Variants in SPNS2 observed in about 807,000 individuals in gnomAD.
SPNS2 encodes SPNS lysolipid transporter 2, sphingosine-1-phosphate, also known as sphingosine-1-phosphate transporter SPNS2.
In SPNS2, 37 loss-of-function variants were observed where a neutral mutation model predicts 57.6. That is an observed-to-expected ratio of 0.64 (90% CI 0.49 to 0.85). The LOEUF is 0.85. Among genes scored for constraint, SPNS2 ranks in the 40% least tolerant of loss-of-function variants. SPNS2 has a pLI of 0.00. For missense variants in SPNS2, 831 were observed against 779.1 expected, an observed-to-expected ratio of 1.07 and a Z score of -0.79; for synonymous variants, 440 against 346.9, an observed-to-expected ratio of 1.27 and a Z score of -2.98.
intron 7 of SPNS2, 49 bp downstream of exon 7, chr17:4,533,178 G>A (rs1461436727): frequency 1.9e-6 from 3 of 1,582,706 alleles, no homozygotes; most frequent in Non-Finnish European, 8.6e-7. Flanking sequence ...CCTCGGACAG[G>A]AGAGCCCCTC....
At chr17:4,522,449 C>T (rs1300570801) in intron 2 of SPNS2, among the ~76,000 whole-genome samples, 1 of 152,180 alleles carries the variant, frequency 6.6e-6, no homozygotes, top group African/African-American at 2.4e-5. Flanking sequence ...GTACACCCAC[C>T]ACCCACGCGC....
In SPNS2 at chr17:4,510,500, G is replaced by A. The variant is rs1291827664; in HGVS notation, c.371-2747G>A. 3.9e-5 allele frequency among the ~76,000 whole-genome samples: 6 copies of A among 152,194 alleles called. No individual in the cohort carries two copies. The highest frequency in any genetic ancestry group is 2.1e-4 in the South Asian group (1 of 4,834). On this transcript the variant is annotated intron_variant, in intron 1 of 12. Transcript: ENST00000329078. The surrounding 1 kb of genome is among the most constrained non-coding windows in gnomAD (Gnocchi z 4.4). ...AAGTCATCGGATGGGGAAGTGTGCCGCTGGATAGCTGGATACTGCAGGGAG... is the reference window on the plus strand; with the variant it reads ...AAGTCATCGGATGGGGAAGTGTGCCACTGGATAGCTGGATACTGCAGGGAG...
At chr17:4,513,108 A>G in intron 1 of SPNS2, 139 bp from the exon 2 acceptor site, 2 of 860,894 alleles carry the variant, frequency 2.3e-6, no homozygotes, top group East Asian at 2.6e-5. Flanking sequence ...AAACCTGGGC[A>G]GGGTAGAGGT....
intron 11 of SPNS2, 60 bp downstream of exon 11, chr17:4,536,486 A>C: frequency 1.3e-6 from 2 of 1,540,402 alleles, no homozygotes; most frequent in Admixed American, 1.7e-5. Flanking sequence ...CGTGATAGCC[A>C]CCGTGAGCCC....
In SPNS2 at chr17:4,536,145, G is replaced by C. The variant is rs1567597634; in HGVS notation, c.1414G>C (p.Asp472His). Residue 472 changes from aspartate to histidine, a missense_variant, in exon 10 of 13, where the codon GAC becomes CAC. Asp to His is a moderately conservative substitution (Grantham distance 81). Transcript: ENST00000329078. ...LQSFTSHLLG[D>H]AGSPYLIGFI... is the part of the protein sequence containing the mutation. ...GAGCTTCACCTCCCACCTGCTGGGG[G>C]ACGCCGGGAGCCCCTACCTCATTGG... is the stretch of plus-strand genomic sequence containing the variant. The C allele has an allele frequency of 6.2e-7, 1 of 1,612,530 alleles. No individual in the cohort carries two copies. Among genetic ancestry groups the C allele is most frequent in the Non-Finnish European group, 8.5e-7 (1 of 1,179,876 alleles).
At chr17:4,518,080 G>A (rs561098850) in intron 2 of SPNS2, among the ~76,000 whole-genome samples, 1 of 152,362 alleles carries the variant, frequency 6.6e-6, no homozygotes, top group East Asian at 1.9e-4. Flanking sequence ...TTGGCCATGG[G>A]TTGGCGTATG....
intron 12 of SPNS2, 137 bp downstream of exon 12, chr17:4,537,083 G>A: frequency 2.1e-6 from 2 of 959,832 alleles, no homozygotes; most frequent in East Asian, 2.5e-5. Context: ...TGTCTCTGAA[G>A]ATGTTGCCAG....
At position 4,510,113 on chromosome 17, in the gene SPNS2, C is replaced by T. The variant is rs1342504050; in HGVS notation, c.371-3134C>T. ...TTCCCGTGCCAGCGGCCAGCGGGAT[C>T]TCACCCTCCTGTGGCTGTGGCCGCC... On this transcript the variant is annotated intron_variant, in intron 1 of 12. Transcript: ENST00000329078. This position sits in a 1 kb window ranked among gnomAD's most constrained non-coding sequence, Gnocchi z 4.4. Among the ~76,000 whole-genome samples, 1 of 152,252 alleles carries T rather than the reference C, an allele frequency of 6.6e-6. No homozygotes were observed. The highest frequency in any genetic ancestry group is 1.5e-5 in the Non-Finnish European group (1 of 68,040).
At position 4,537,760 on chromosome 17, in the gene SPNS2, C is replaced by G. The variant is rs1264969882; in HGVS notation, c.*312C>G. 1 of 456,422 alleles carries G rather than the reference C, an allele frequency of 2.2e-6. No individual in the cohort carries two copies. Among genetic ancestry groups the G allele is most frequent in the African/African-American group, 2.0e-5 (1 of 50,216 alleles). The allele number at this position is 456,422 out of a possible 1,614,324, so 28.3% of individuals were successfully genotyped here. On this transcript the variant is annotated 3_prime_UTR_variant, in exon 13 of 13. Transcript: ENST00000329078. Reference sequence around the variant, plus strand: ...GGGTGTCCGGGGAGAGCCTGGCCTGCCACCAGCTTATGTGATCTTGGGCAA... The same window carrying G: ...GGGTGTCCGGGGAGAGCCTGGCCTGGCACCAGCTTATGTGATCTTGGGCAA...
chr17:4,531,489 C>G (rs1326206325), intron 5 of SPNS2, among the ~76,000 whole-genome samples: 2 of 152,172 alleles, frequency 1.3e-5, no homozygotes, highest in Non-Finnish European at 2.9e-5. Flanking sequence ...AAGGCTGGGA[C>G]AAGACCTCTG....
rs1263235697 is a variant in SPNS2 at position 4,499,088 on chromosome 17, C to CGGAGGA, written c.50_55dup (p.Glu17_Glu18dup). The CGGAGGA allele has an allele frequency of 9.5e-6, 10 of 1,051,968 alleles. No homozygotes were observed. In the East Asian group the frequency reaches 2.4e-4, roughly 25 times the overall value. 65.2% of individuals were successfully genotyped at this position (1,051,968 alleles called of 1,614,324 possible). On this transcript the variant is annotated inframe_insertion, in exon 1 of 13. Transcript: ENST00000329078. The surrounding 1 kb of genome is among the most constrained non-coding windows in gnomAD (Gnocchi z 5.2). Reference sequence around the variant, plus strand: ...TGCGCCTCGGCGGCGGCGGGCGGCGCGGAGGAGGAGGAGGCGGACGCGGAG... The same window carrying CGGAGGA: ...TGCGCCTCGGCGGCGGCGGGCGGCGCGGAGGAGGAGGAGGAGGAGGCGGACGCGGAG...
At chr17:4,529,157 A>T (rs1000246435) in intron 3 of SPNS2, among the ~76,000 whole-genome samples, 8 of 151,100 alleles carry the variant, frequency 5.3e-5, no homozygotes, top group Non-Finnish European at 1.2e-4. Context: ...GCTGGTCTTG[A>T]ACTCCTGGCC....
At chr17:4,523,076 A>G (rs1033318384) in intron 2 of SPNS2, among the ~76,000 whole-genome samples, 10 of 152,238 alleles carry the variant, frequency 6.6e-5, no homozygotes, top group African/African-American at 1.7e-4. Flanking sequence ...TCTTGCCCCA[A>G]TAATTGCGTG....
chr17:4,515,926 C>T (rs1411510311), intron 2 of SPNS2, among the ~76,000 whole-genome samples: 1 of 152,214 alleles, frequency 6.6e-6, no homozygotes, highest in Admixed American at 6.5e-5. Flanking sequence ...TTTCAGCAGC[C>T]CCTTTGCAGA....
In SPNS2 at chr17:4,525,139, C is replaced by T. The variant is rs376685767; in HGVS notation, c.519C>T (p.Cys173=). 4.1e-5 allele frequency: 66 copies of T among 1,614,092 alleles called. No homozygotes were observed. The highest frequency in any genetic ancestry group is 5.3e-5 in the African/African-American group (4 of 74,938). ...DRFNRKVILS[C]GIFFWSAVTF... ...TCAACAGGAAGGTGATTCTCAGCTG[C>T]GGCATTTTCTTCTGGTCGGCCGTCA... The change falls in exon 3 of 13, where the codon TGC becomes TGT. Residue 173 remains cysteine (C), a synonymous_variant. Transcript: ENST00000329078.
At chr17:4,528,394 G>A (rs1449741017) in intron 3 of SPNS2, among the ~76,000 whole-genome samples, 3 of 152,200 alleles carry the variant, frequency 2.0e-5, no homozygotes, top group Non-Finnish European at 4.4e-5. Flanking sequence ...AAAAAGATAA[G>A]AATGAGGGAG....
At chr17:4,517,242 C>T (rs1204250409) in intron 2 of SPNS2, among the ~76,000 whole-genome samples, 1 of 152,216 alleles carries the variant, frequency 6.6e-6, no homozygotes, top group Non-Finnish European at 1.5e-5. Flanking sequence ...CATAGAGGCC[C>T]CCTCTGTTTC....
chr17:4,538,772 T>TG lies in SPNS2; in HGVS notation c.*1328dup. On this transcript the variant is annotated 3_prime_UTR_variant, in exon 13 of 13. Coordinates refer to ENST00000329078, the MANE Select transcript of SPNS2 (RefSeq NM_001124758.3). ...GGTGGAATACTCACCCACCAAGCTC[T>TG]GGGGTACCCCGAGGGCCTGACAAGA... 1.4e-6 allele frequency: 1 copy of TG among 733,794 alleles called. No individual in the cohort carries two copies. The highest frequency in any genetic ancestry group is 1.5e-5 in the South Asian group (1 of 68,932). The allele number at this position is 733,794 out of a possible 1,614,324, so 45.5% of individuals were successfully genotyped here. A position where few individuals can be genotyped will look rare whatever the true frequency, so the allele number is the denominator to read the frequency against.
At chr17:4,527,353 C>G (rs1273616837) in intron 3 of SPNS2, among the ~76,000 whole-genome samples, 2 of 152,212 alleles carry the variant, frequency 1.3e-5, no homozygotes, top group South Asian at 4.1e-4. Flanking sequence ...GAGCCAGAGT[C>G]CTCATTTCTG....
Sources: allele counts gnomAD v4.1 joint callset (sites outside exome capture counted in the v4.1 genomes callset), GRCh38; gene constraint gnomAD v4.1.1; non-coding constraint Gnocchi (gnomAD v3.1); transcripts MANE v1.5; gene names NCBI Gene and HGNC (gene_info 2026-07-23, HGNC 2026-07-21).